The following ZNF804B variants were observed in gnomAD, a reference collection of about 807,000 sequenced individuals.
ZNF804B encodes the protein zinc finger protein 804B.
In ZNF804B, 80 loss-of-function variants were observed where a neutral mutation model predicts 101.4. The ratio of observed to expected loss-of-function variants is 0.79; its 90% CI spans 0.66 to 0.95. The LOEUF is 0.95. Among genes scored for constraint, ZNF804B ranks in the 40% least tolerant of loss-of-function variants. The pLI, the probability that ZNF804B is intolerant of heterozygous loss-of-function variation, is 0.00. For synonymous variants in ZNF804B, 622 were observed against 558.8 expected, an observed-to-expected ratio of 1.11 and a Z score of -1.59; for missense variants, 1,673 against 1,561.9, an observed-to-expected ratio of 1.07 and a Z score of -1.20.
chr7:89,166,228 C>G (rs10486906), intron 1 of ZNF804B, among the ~76,000 whole-genome samples: 30,649 of 152,016 alleles, frequency 0.2, 3,318 homozygotes, highest in Non-Finnish European at 0.22. Context: ...AAATATAGAA[C>G]TTAATCACCA....
chr7:89,263,530 A>G (rs1789740380), intron 2 of ZNF804B, among the ~76,000 whole-genome samples: 1 of 152,182 alleles, frequency 6.6e-6, no homozygotes, highest in Non-Finnish European at 1.5e-5. Flanking sequence ...ATGTTGAAAT[A>G]GAATTCAATA....
At chr7:89,217,031 T>A (rs950679962) in intron 1 of ZNF804B, among the ~76,000 whole-genome samples, 1 of 152,182 alleles carries the variant, frequency 6.6e-6, no homozygotes, top group African/African-American at 2.4e-5. Context: ...GTAGTGCATA[T>A]TAAGTAGCAC....
At chr7:88,891,794 G>A (rs1409262272) in intron 1 of ZNF804B, among the ~76,000 whole-genome samples, 1 of 151,608 alleles carries the variant, frequency 6.6e-6, no homozygotes, top group African/African-American at 2.4e-5. Context: ...CAACGTGCAG[G>A]TTTGTTACAT....
intron 1 of ZNF804B, among the ~76,000 whole-genome samples, chr7:89,197,039 C>T (rs529605976): frequency 2.2e-4 from 33 of 152,000 alleles, no homozygotes; most frequent in African/African-American, 7.5e-4. Flanking sequence ...ATTAGTTCAA[C>T]CATTATGGGA....
At chr7:89,288,645 A>G (rs1225736717) in intron 2 of ZNF804B, among the ~76,000 whole-genome samples, 1 of 152,214 alleles carries the variant, frequency 6.6e-6, no homozygotes, top group Non-Finnish European at 1.5e-5. Flanking sequence ...TGACACTCAG[A>G]TGAATCCTTC....
At chr7:88,780,094 G>A (rs1361165747) in intron 1 of ZNF804B, among the ~76,000 whole-genome samples, 1 of 152,122 alleles carries the variant, frequency 6.6e-6, no homozygotes, top group East Asian at 1.9e-4. Flanking sequence ...CTGATCATCA[G>A]AGAAATGCAA....
chr7:88,877,050 T>TAATATATATATATATATATATA (rs1491216741), intron 1 of ZNF804B, among the ~76,000 whole-genome samples: 4 of 20,204 alleles, frequency 2.0e-4, no homozygotes, highest in Admixed American at 5.8e-4. Context: ...TATATATATA[T>TAATATATATATATATATATATA]TTTTTTTTTT....
At chr7:88,911,407 T>C (rs1268702073) in intron 1 of ZNF804B, among the ~76,000 whole-genome samples, 1 of 149,732 alleles carries the variant, frequency 6.7e-6, no homozygotes, top group Non-Finnish European at 1.5e-5. Context: ...CAAATGTATA[T>C]ATCATTATAT....
At chr7:89,215,182 G>T (rs182508413) in intron 1 of ZNF804B, among the ~76,000 whole-genome samples, 12 of 152,264 alleles carry the variant, frequency 7.9e-5, no homozygotes, top group Admixed American at 5.2e-4. Flanking sequence ...TTCCTGGCAA[G>T]AATAATGAAG....
chr7:89,335,919 G>A lies in ZNF804B; in HGVS notation c.2937G>A (p.Leu979=), dbSNP rs147029893. The change falls in exon 4 of 4, where the codon TTG becomes TTA. Residue 979 remains leucine (L), a synonymous_variant. Transcript: ENST00000333190. The stretch of plus-strand genomic sequence containing the variant: ...GCTGTAACAGACAAGCATTGCCTTT[G>A]TCTGAAAAAATACAGTATGCAAGTG... ...PSGCNRQALP[L]SEKIQYASES... 31 of 1,613,940 alleles carry A rather than the reference G, an allele frequency of 1.9e-5. No individual in the cohort carries two copies. The highest frequency in any genetic ancestry group is 2.5e-5 in the Non-Finnish European group (30 of 1,179,984).
At chr7:89,128,983 C>T (rs1322289957) in intron 1 of ZNF804B, among the ~76,000 whole-genome samples, 1 of 152,040 alleles carries the variant, frequency 6.6e-6, no homozygotes, top group Middle Eastern at 3.4e-3. Context: ...CTCCTTGCAG[C>T]AGAATTCATT....
At chr7:88,799,913 A>G (rs1299560604) in intron 1 of ZNF804B, among the ~76,000 whole-genome samples, 8 of 152,124 alleles carry the variant, frequency 5.3e-5, no homozygotes, top group Admixed American at 5.2e-4. Context: ...TCAGAGAAAC[A>G]GGATTGAAGG....
intron 1 of ZNF804B, among the ~76,000 whole-genome samples, chr7:88,842,189 G>C (rs1012542462): frequency 4.6e-5 from 7 of 152,106 alleles, no homozygotes; most frequent in African/African-American, 1.7e-4. Context: ...CCCTAAGGTT[G>C]TCTTAATGAC....
At chr7:88,974,110 C>T (rs1048392739) in intron 1 of ZNF804B, among the ~76,000 whole-genome samples, 2 of 151,174 alleles carry the variant, frequency 1.3e-5, no homozygotes, top group Admixed American at 6.6e-5. Context: ...TAGGGATTCC[C>T]GAAGTGGCAG....
chr7:88,760,317 A>C lies in ZNF804B; in HGVS notation c.108+233A>C, dbSNP rs575201059. On this transcript the variant is annotated intron_variant, in intron 1 of 3. Transcript: ENST00000333190. ...ATTTTCAATTCAGTCAGTAGGATCT[A>C]TAGTGCTACGGATGTAAATACTTAC... Among the ~76,000 whole-genome samples, 5 of 152,360 alleles carry C rather than the reference A, an allele frequency of 3.3e-5. No individual in the cohort carries two copies. In the South Asian group the frequency reaches 1.0e-3, roughly 32 times the overall value.
chr7:88,854,868 C>T (rs1791531667), intron 1 of ZNF804B, among the ~76,000 whole-genome samples: 1 of 146,582 alleles, frequency 6.8e-6, no homozygotes, highest in African/African-American at 2.5e-5. Context: ...GGTTTTTTGT[C>T]CTTGAGATAG....
intron 1 of ZNF804B, among the ~76,000 whole-genome samples, chr7:88,805,030 G>A (rs1168616242): frequency 6.6e-6 from 1 of 152,070 alleles, no homozygotes; most frequent in Non-Finnish European, 1.5e-5. Context: ...AGTTTCAGTG[G>A]ATAAAGTGGT....
At position 89,336,211 on chromosome 7, in the gene ZNF804B, T is replaced by C. The variant is rs1310262604; in HGVS notation, c.3229T>C (p.Phe1077Leu). The C allele has an allele frequency of 6.2e-7, 1 of 1,613,862 alleles. No individual in the cohort carries two copies. The highest frequency in any genetic ancestry group is 1.1e-5 in the South Asian group (1 of 91,076). Residue 1077 changes from phenylalanine to leucine, a missense_variant, in exon 4 of 4, where the codon TTT (phenylalanine) becomes CTT (leucine). Transcript: ENST00000333190. ...AGTACCAAATGAATTCCCTGGTGCTTTTCCGTCTAATAAATATACTGGTGT... is the reference window on the plus strand; with the variant it reads ...AGTACCAAATGAATTCCCTGGTGCTCTTCCGTCTAATAAATATACTGGTGT... Reference protein sequence around the residue: ...DPVPNEFPGAFPSNKYTGVTD... With the variant: ...DPVPNEFPGALPSNKYTGVTD...
chr7:88,937,687 A>G (rs1792994095), intron 1 of ZNF804B, among the ~76,000 whole-genome samples: 1 of 152,100 alleles, frequency 6.6e-6, no homozygotes, highest in African/African-American at 2.4e-5. Flanking sequence ...AAAATGAATT[A>G]GAAGCAAAAG....
Sources: allele counts gnomAD v4.1 joint callset (sites outside exome capture counted in the v4.1 genomes callset), GRCh38; gene constraint gnomAD v4.1.1; transcripts MANE v1.5; gene names NCBI Gene and HGNC (gene_info 2026-07-23, HGNC 2026-07-21).